The following RAB15 variants were observed in gnomAD, a reference collection of about 807,000 sequenced individuals.
RAB15 encodes ras-related protein Rab-15.
RAB15 carries 13 observed loss-of-function variants against 31.8 expected under a neutral mutation model. That is an observed-to-expected ratio of 0.41 (90% CI 0.27 to 0.65). RAB15 has a LOEUF of 0.65. Among genes scored for constraint, RAB15 ranks in the 30% least tolerant of loss-of-function variants. The probability of loss-of-function intolerance (pLI) is 0.32; values close to 1 mark genes in which losing one functional copy is unlikely to be tolerated. For synonymous variants in RAB15, 100 were observed against 105.6 expected (o/e 0.95, Z 0.33); for missense variants, 220 against 277.3 (o/e 0.79, Z 1.47).
Position 64,948,258 on chromosome 14 carries a change from C to T in RAB15, c.*96G>A, listed in dbSNP as rs11540871. The T allele has an allele frequency of 0.074, 96,436 of 1,306,832 alleles. 3,821 individuals carry two copies. The highest frequency in any genetic ancestry group is 0.092 in the Middle Eastern group (384 of 4,164). The allele number at this position is 1,306,832 out of a possible 1,614,324, so 81.0% of individuals were successfully genotyped here. On this transcript the variant is annotated 3_prime_UTR_variant, in exon 7 of 7. Transcript: ENST00000533601. This position sits in a 1 kb window ranked among gnomAD's most constrained non-coding sequence, Gnocchi z 7.0. ...ACTGATACTCAATAGGGTCATCACACGAGAGGACAGCAGCAGGGCAAAGCC... is the reference window on the plus strand; with the variant it reads ...ACTGATACTCAATAGGGTCATCACATGAGAGGACAGCAGCAGGGCAAAGCC...
chr14:64,966,896 A>G (rs1403110237), intron 1 of RAB15, among the ~76,000 whole-genome samples: 5 of 152,148 alleles, frequency 3.3e-5, no homozygotes. Context: ...ACCCTCTCAC[A>G]ACGTCACACT....
chr14:64,948,504 C>A lies in RAB15; in HGVS notation c.489G>T (p.Thr163=), dbSNP rs372193087. 2.4e-5 allele frequency: 39 copies of A among 1,606,464 alleles called. No homozygotes were observed. The highest frequency in any genetic ancestry group is 1.7e-4 in the Middle Eastern group (1 of 6,024). Residue 163 remains threonine, a synonymous_variant, in exon 7 of 7, where the codon ACG becomes ACT. Coordinates refer to ENST00000533601, the MANE Select transcript of RAB15 (RefSeq NM_001308154.2). The surrounding 1 kb of genome is among the most constrained non-coding windows in gnomAD (Gnocchi z 7.0). ...CTNLNIKESF[T]RLTELVLQAH... is the part of the protein sequence containing the mutation. ...CCTGCAGCACCAGCTCTGTCAGACG[C>A]GTGAATGACTGGAAACCAAAGGGCA...
At chr14:64,960,175 C>T (rs2139988836) in intron 1 of RAB15, among the ~76,000 whole-genome samples, 1 of 152,332 alleles carries the variant, frequency 6.6e-6, no homozygotes, top group South Asian at 2.1e-4. Flanking sequence ...AGGCAGGGCC[C>T]TCCTCTGGGC....
In RAB15 at chr14:64,946,965, A is replaced by G. The variant is rs1181797927; in HGVS notation, c.*1389T>C. 6.6e-6 allele frequency: 1 copy of G among 152,600 alleles called. No individual in the cohort carries two copies. Among genetic ancestry groups the G allele is most frequent in the African/African-American group, 2.4e-5 (1 of 41,414 alleles). 9.5% of individuals were successfully genotyped at this position (152,600 alleles called of 1,614,324 possible). Reference sequence around the variant, plus strand: ...TGGAGGAAGGAGTCCTCTTCCCTCCACCTGTAGCCACAGTGTGGTTGGCAA... The same window carrying G: ...TGGAGGAAGGAGTCCTCTTCCCTCCGCCTGTAGCCACAGTGTGGTTGGCAA... On this transcript the variant is annotated 3_prime_UTR_variant, in exon 7 of 7. Transcript: ENST00000533601.
Position 64,950,727 on chromosome 14 carries a change from T to G in RAB15, c.325-313A>C, listed in dbSNP as rs1886201103. 1 of 595,428 alleles carries G rather than the reference T, an allele frequency of 1.7e-6. No individual in the cohort carries two copies. The highest frequency in any genetic ancestry group is 1.9e-5 in the African/African-American group (1 of 53,848). 36.9% of individuals were successfully genotyped at this position (595,428 alleles called of 1,614,324 possible). A position where few individuals can be genotyped will look rare whatever the true frequency, so the allele number is the denominator to read the frequency against. ...TACAGGAACTGGGGACCCAGAGGAT[T>G]CAAATGGCTTCCCAAGGCTCCACAG... On this transcript the variant is annotated intron_variant, in intron 4 of 6. Coordinates refer to ENST00000533601, the MANE Select transcript of RAB15 (RefSeq NM_001308154.2). This position sits in a 1 kb window ranked among gnomAD's most constrained non-coding sequence, Gnocchi z 5.6.
In RAB15 at chr14:64,948,621, C is replaced by T; in HGVS notation, c.480+47G>A. Reference sequence around the variant, plus strand: ...CTTATGGCTCCTCCTCCCACCTCTGCTGGACTCAGCCCGAGAGAGCGGGCG... The same window carrying T: ...CTTATGGCTCCTCCTCCCACCTCTGTTGGACTCAGCCCGAGAGAGCGGGCG... On this transcript the variant is annotated intron_variant, in intron 6 of 6. Transcript: ENST00000533601. The surrounding 1 kb of genome is among the most constrained non-coding windows in gnomAD (Gnocchi z 7.0). 4.3e-6 allele frequency: 7 copies of T among 1,612,642 alleles called. No homozygotes were observed. The highest frequency in any genetic ancestry group is 5.9e-6 in the Non-Finnish European group (7 of 1,178,804).
chr14:64,952,394 G>T lies in RAB15; in HGVS notation c.185+117C>A. 2 of 741,638 alleles carry T rather than the reference G, an allele frequency of 2.7e-6. No individual in the cohort carries two copies. The highest frequency in any genetic ancestry group is 3.3e-5 in the South Asian group (2 of 61,072). The allele number at this position is 741,638 out of a possible 1,614,324, so 45.9% of individuals were successfully genotyped here. A position where few individuals can be genotyped will look rare whatever the true frequency, so the allele number is the denominator to read the frequency against. On this transcript the variant is annotated intron_variant, in intron 2 of 6. Transcript: ENST00000533601. This position sits in a 1 kb window ranked among gnomAD's most constrained non-coding sequence, Gnocchi z 4.2. ...TCTGAGACTTCGCTTCCATCCATCAGAGAGGTGGCCAGTTATCCCAGGTGA... is the reference window on the plus strand; with the variant it reads ...TCTGAGACTTCGCTTCCATCCATCATAGAGGTGGCCAGTTATCCCAGGTGA...
At chr14:64,964,796 C>A (rs887905883) in intron 1 of RAB15, among the ~76,000 whole-genome samples, 1 of 151,986 alleles carries the variant, frequency 6.6e-6, no homozygotes, top group African/African-American at 2.4e-5. Context: ...GGGCTGGTCT[C>A]AAACTCCTGA....
rs748314143 is a variant in RAB15 at position 64,970,835 on chromosome 14, T to C, written c.124+1118A>G. 2.0e-5 allele frequency among the ~76,000 whole-genome samples: 3 copies of C among 152,194 alleles called. No individual in the cohort carries two copies. The highest frequency in any genetic ancestry group is 4.4e-5 in the Non-Finnish European group (3 of 68,020). On this transcript the variant is annotated intron_variant, in intron 1 of 6. Transcript: ENST00000533601. This position sits in a 1 kb window ranked among gnomAD's most constrained non-coding sequence, Gnocchi z 4.1. ...CTGGCTTCTTAACCAGAAGGTTCTG[T>C]TCCTCCTGGCTGTATCTATCTGCTC...
Position 64,947,336 on chromosome 14 carries a change from A to G in RAB15, c.*1018T>C, listed in dbSNP as rs1161425666. ...ATAGGAGCTAGTCCTTCATTTCCAA[A>G]TGCTCCCCTTTGTGGAGTGCATGGT... On this transcript the variant is annotated 3_prime_UTR_variant, in exon 7 of 7. Transcript: ENST00000533601. The surrounding 1 kb of genome is among the most constrained non-coding windows in gnomAD (Gnocchi z 5.6). 2.6e-5 allele frequency: 4 copies of G among 152,580 alleles called. No individual in the cohort carries two copies. The highest frequency in any genetic ancestry group is 4.8e-5 in the African/African-American group (2 of 41,420). 9.5% of individuals were successfully genotyped at this position (152,580 alleles called of 1,614,324 possible). A position where few individuals can be genotyped will look rare whatever the true frequency, so the allele number is the denominator to read the frequency against.
At chr14:64,961,647 C>G (rs753483777) in intron 1 of RAB15, among the ~76,000 whole-genome samples, 1 of 152,186 alleles carries the variant, frequency 6.6e-6, no homozygotes, top group African/African-American at 2.4e-5. Flanking sequence ...GTGGCTCACA[C>G]CTGTAAACCC....
chr14:64,952,608 T>G lies in RAB15; in HGVS notation c.125-37A>C. The G allele has an allele frequency of 6.7e-7, 1 of 1,482,510 alleles. No individual in the cohort carries two copies. Among genetic ancestry groups the G allele is most frequent in the Non-Finnish European group, 9.4e-7 (1 of 1,066,370 alleles). 91.8% of individuals were successfully genotyped at this position (1,482,510 alleles called of 1,614,324 possible). ...AAGAAAGAAAGAAAGTTAGAAAGCGTACCCACGAGAAATGAACAGGAAAGG... is the reference window on the plus strand; with the variant it reads ...AAGAAAGAAAGAAAGTTAGAAAGCGGACCCACGAGAAATGAACAGGAAAGG... On this transcript the variant is annotated intron_variant, in intron 1 of 6. Transcript: ENST00000533601. This position sits in a 1 kb window ranked among gnomAD's most constrained non-coding sequence, Gnocchi z 4.2.
At chr14:64,966,027 C>T (rs1887118534) in intron 1 of RAB15, among the ~76,000 whole-genome samples, 1 of 152,088 alleles carries the variant, frequency 6.6e-6, no homozygotes, top group South Asian at 2.1e-4. Flanking sequence ...GCAAAGCCAC[C>T]CCATCCTCTC....
intron 1 of RAB15, among the ~76,000 whole-genome samples, chr14:64,956,298 G>A (rs1886560313): frequency 6.6e-6 from 1 of 151,856 alleles, no homozygotes. Flanking sequence ...CAGCTACTCA[G>A]GAGCGGGTCT....
At chr14:64,963,992 A>G (rs964459256) in intron 1 of RAB15, among the ~76,000 whole-genome samples, 1 of 152,100 alleles carries the variant, frequency 6.6e-6, no homozygotes, top group African/African-American at 2.4e-5. Flanking sequence ...GCTTGTTTGG[A>G]TGTCTGGTTC....
rs1387219103 is a variant in RAB15, at chr14:64,946,675, G to T, written c.*1679C>A. On this transcript the variant is annotated 3_prime_UTR_variant, in exon 7 of 7. Transcript: ENST00000533601. ...CTTTTTGGAGGAGTAAGGAAGTGAGGTTCTTATCCTTCACATATGAGTGCC... is the reference window on the plus strand; with the variant it reads ...CTTTTTGGAGGAGTAAGGAAGTGAGTTTCTTATCCTTCACATATGAGTGCC... The T allele has an allele frequency of 6.6e-6, 1 of 152,174 alleles. No homozygotes were observed. Among genetic ancestry groups the T allele is most frequent in the Non-Finnish European group, 1.5e-5 (1 of 68,038 alleles). The allele number at this position is 152,174 out of a possible 1,614,324, so 9.4% of individuals were successfully genotyped here. A position where few individuals can be genotyped will look rare whatever the true frequency, so the allele number is the denominator to read the frequency against.
chr14:64,965,123 GT>G (rs745556014), intron 1 of RAB15, among the ~76,000 whole-genome samples: 1 of 152,098 alleles, frequency 6.6e-6, no homozygotes, highest in African/African-American at 2.4e-5. Flanking sequence ...TTTAAAAAGT[GT>G]TTTTGTTTTG....
In RAB15 at chr14:64,962,661, G is replaced by C. The variant is rs1886922204; in HGVS notation, c.124+9292C>G. 6.6e-6 allele frequency among the ~76,000 whole-genome samples: 1 copy of C among 152,176 alleles called. No homozygotes were observed. The highest frequency in any genetic ancestry group is 1.5e-5 in the Non-Finnish European group (1 of 68,034). ...CCAGCAGGGAGATCCAAAGAATCAGGTAGAGGAAGCAGCAAAGATCCTGTG... is the reference window on the plus strand; with the variant it reads ...CCAGCAGGGAGATCCAAAGAATCAGCTAGAGGAAGCAGCAAAGATCCTGTG... On this transcript the variant is annotated intron_variant, in intron 1 of 6. Transcript: ENST00000533601. This position sits in a 1 kb window ranked among gnomAD's most constrained non-coding sequence, Gnocchi z 4.2.
chr14:64,957,588 T>C (rs1886646334), intron 1 of RAB15, among the ~76,000 whole-genome samples: 2 of 152,184 alleles, frequency 1.3e-5, no homozygotes, highest in Non-Finnish European at 2.9e-5. Flanking sequence ...TGCTTGTCTT[T>C]ACAGCATACC....
Sources: gnomAD v4.1 joint callset for allele counts (sites outside exome capture counted in the v4.1 genomes callset) on GRCh38, gnomAD v4.1.1 for gene constraint, Gnocchi (gnomAD v3.1) non-coding constraint, MANE v1.5 for transcripts, NCBI Gene and HGNC (gene_info 2026-07-23, HGNC 2026-07-21) for gene names.